Variants in GALNT13 observed in about 807,000 individuals in gnomAD.
GALNT13 encodes polypeptide N-acetylgalactosaminyltransferase 13.
A neutral mutation model predicts 64.2 loss-of-function variants in GALNT13; 28 were observed. The observed-to-expected ratio is 0.44, with a 90% CI of 0.32 to 0.60. The LOEUF is 0.60. Among genes scored for constraint, GALNT13 ranks in the 20% least tolerant of loss-of-function variants. The probability of loss-of-function intolerance (pLI) is 0.05; values close to 1 mark genes in which losing one functional copy is unlikely to be tolerated. For synonymous variants in GALNT13, 214 were observed against 224.6 expected, an observed-to-expected ratio of 0.95 and a Z score of 0.42; for missense variants, 577 against 669.8, an observed-to-expected ratio of 0.86 and a Z score of 1.53.
chr2:153,541,029 G>T, the GALNT13 span, among the ~76,000 whole-genome samples: 2 of 152,068 alleles, frequency 1.3e-5, no homozygotes, highest in Non-Finnish European at 2.9e-5. Flanking sequence ...AGATTTGAGA[G>T]GGGCCAGGGG....
At chr2:153,155,113 A>G in the GALNT13 span, among the ~76,000 whole-genome samples, 1 of 152,070 alleles carries the variant, frequency 6.6e-6, no homozygotes, top group Non-Finnish European at 1.5e-5. Context: ...TTGATGCATT[A>G]CTGGGTTCAG....
the GALNT13 span, among the ~76,000 whole-genome samples, chr2:153,528,446 C>G: frequency 1.5e-4 from 23 of 151,946 alleles, no homozygotes; most frequent in African/African-American, 5.5e-4. Context: ...ATTATTAGAG[C>G]TAAAGAGAGA....
the GALNT13 span, among the ~76,000 whole-genome samples, chr2:153,154,908 C>T: frequency 6.6e-6 from 1 of 152,022 alleles, no homozygotes; most frequent in Non-Finnish European, 1.5e-5. Context: ...TCCTTCAGTA[C>T]CTAGCTTATT....
chr2:153,331,400 G>T, the GALNT13 span, among the ~76,000 whole-genome samples: 1 of 151,792 alleles, frequency 6.6e-6, no homozygotes, highest in Admixed American at 6.6e-5. Flanking sequence ...AGGTGTATTA[G>T]TCAGGGTTCT....
the GALNT13 span, among the ~76,000 whole-genome samples, chr2:153,316,633 C>T: frequency 0.04 from 1,795 of 44,362 alleles, 49 homozygotes; most frequent in African/African-American, 0.13. Context: ...GAGCGAGACT[C>T]CGTCTCAAAA....
intron 3 of GALNT13, among the ~76,000 whole-genome samples, chr2:154,057,439 T>C (rs987374205): frequency 3.3e-5 from 5 of 152,252 alleles, no homozygotes; most frequent in Non-Finnish European, 7.3e-5. Context: ...ATTCCCTTTT[T>C]CTCTTCTTTT....
At chr2:153,465,023 A>G in the GALNT13 span, among the ~76,000 whole-genome samples, 1 of 152,104 alleles carries the variant, frequency 6.6e-6, no homozygotes, top group Non-Finnish European at 1.5e-5. Flanking sequence ...TTCAAAATTA[A>G]TAAGTGGTCT....
At chr2:153,356,871 C>T in the GALNT13 span, among the ~76,000 whole-genome samples, 2 of 133,916 alleles carry the variant, frequency 1.5e-5, no homozygotes, top group Non-Finnish European at 3.1e-5. Flanking sequence ...GATCTCGGCT[C>T]ACTGCACGCT....
At chr2:153,466,743 A>C in the GALNT13 span, among the ~76,000 whole-genome samples, 1 of 152,054 alleles carries the variant, frequency 6.6e-6, no homozygotes, top group Non-Finnish European at 1.5e-5. Context: ...CAGTTGTTTT[A>C]GACTCAAATA....
At chr2:153,508,312 T>C in the GALNT13 span, among the ~76,000 whole-genome samples, 2 of 152,104 alleles carry the variant, frequency 1.3e-5, no homozygotes, top group African/African-American at 2.4e-5. Context: ...CTAGGGCAGA[T>C]AGAAAAAGAT....
At chr2:154,276,910 C>T (rs947207457) in intron 8 of GALNT13, among the ~76,000 whole-genome samples, 1 of 152,194 alleles carries the variant, frequency 6.6e-6, no homozygotes, top group African/African-American at 2.4e-5. Context: ...TTTGCTTCCC[C>T]TTCCACCATG....
chr2:153,497,543 T>A, the GALNT13 span, among the ~76,000 whole-genome samples: 78 of 125,204 alleles, frequency 6.2e-4, no homozygotes, highest in African/African-American at 2.2e-3. Flanking sequence ...TTTTTTTTTT[T>A]TTTTTTTTTT....
the GALNT13 span, among the ~76,000 whole-genome samples, chr2:153,746,435 C>G: frequency 6.6e-6 from 1 of 152,126 alleles, no homozygotes; most frequent in East Asian, 1.9e-4. Context: ...AATATTTCTC[C>G]CAATATTGTT....
chr2:154,047,999 G>C (rs1483834787), intron 3 of GALNT13, among the ~76,000 whole-genome samples: 2 of 152,164 alleles, frequency 1.3e-5, no homozygotes, highest in African/African-American at 2.4e-5. Context: ...AATTTATAAA[G>C]AAAAGAGGTT....
chr2:153,251,055 A>AT, the GALNT13 span, among the ~76,000 whole-genome samples: 6 of 151,958 alleles, frequency 3.9e-5, no homozygotes, highest in Non-Finnish European at 7.4e-5. Flanking sequence ...AAAATAAATA[A>AT]TTTTTTTTAT....
chr2:153,126,220 A>AT, the GALNT13 span, among the ~76,000 whole-genome samples: 2 of 150,368 alleles, frequency 1.3e-5, no homozygotes, highest in Admixed American at 6.6e-5. Context: ...TTAGGAATCT[A>AT]TTTTTTTATG....
At chr2:154,351,136 G>A (rs923479661) in intron 9 of GALNT13, among the ~76,000 whole-genome samples, 1 of 152,016 alleles carries the variant, frequency 6.6e-6, no homozygotes, top group Non-Finnish European at 1.5e-5. Flanking sequence ...ACTTGAGGAG[G>A]CCCTGAAGGA....
At chr2:153,844,060 G>C in the GALNT13 span, among the ~76,000 whole-genome samples, 1 of 152,100 alleles carries the variant, frequency 6.6e-6, no homozygotes, top group Admixed American at 6.5e-5. Flanking sequence ...TCTAATGTCT[G>C]GATGGTAGCA....
At chr2:153,868,129 A>T (rs955789904), upstream of GALNT13, among the ~76,000 whole-genome samples, 1 of 152,190 alleles carries the variant, frequency 6.6e-6, no homozygotes, top group Non-Finnish European at 1.5e-5. Context: ...CACTGGGAAT[A>T]TAGCAGTGAG....
Sources: allele counts gnomAD v4.1 joint callset (sites outside exome capture counted in the v4.1 genomes callset), GRCh38; gene constraint gnomAD v4.1.1; transcripts MANE v1.5; gene names NCBI Gene and HGNC (gene_info 2026-07-23, HGNC 2026-07-21).